The following SLC4A4 variants were observed in gnomAD, a reference collection of about 807,000 sequenced individuals.
SLC4A4 encodes solute carrier family 4 member 4.
A neutral mutation model predicts 111.5 loss-of-function variants in SLC4A4; 27 were observed. The ratio of observed to expected loss-of-function variants is 0.24; its 90% CI spans 0.18 to 0.33. The LOEUF is 0.33. Among genes scored for constraint, SLC4A4 ranks in the 10% least tolerant of loss-of-function variants. The pLI is 1.00. For missense variants in SLC4A4, 909 were observed against 1,315.5 expected (o/e 0.69, Z 4.78); for synonymous variants, 443 against 463.4 (o/e 0.96, Z 0.57).
chr4:71,172,551 G>C (rs927035568), intron 2 of SLC4A4, among the ~76,000 whole-genome samples: 5 of 152,298 alleles, frequency 3.3e-5, no homozygotes, highest in African/African-American at 9.6e-5. Context: ...ACCGTGCCTG[G>C]CCTAGCACAG....
At chr4:71,086,061 G>A (rs1398750781) in intron 1 of SLC4A4, among the ~76,000 whole-genome samples, 6 of 151,878 alleles carry the variant, frequency 4.0e-5, no homozygotes, top group African/African-American at 1.5e-4. Flanking sequence ...CCATTTGTTT[G>A]TATCCTCTTT....
At chr4:71,076,417 A>G (rs1315382265) in intron 1 of SLC4A4, among the ~76,000 whole-genome samples, 1 of 152,020 alleles carries the variant, frequency 6.6e-6, no homozygotes, top group Non-Finnish European at 1.5e-5. Context: ...CTATAATCCC[A>G]GCTACTCAGG....
chr4:71,397,754 C>A, intron 7 of SLC4A4, 101 bp downstream of exon 7: 3 of 1,023,046 alleles, frequency 2.9e-6, no homozygotes, highest in Middle Eastern at 2.1e-4. Flanking sequence ...TAAAATGGAC[C>A]TTTACGTGCA....
chr4:71,236,342 G>T, intron 1 of SLC4A4: 1 of 927,162 alleles, frequency 1.1e-6, no homozygotes, highest in African/African-American at 1.7e-5. Context: ...TCTCTTACCT[G>T]TCTATGTGGG....
intron 6 of SLC4A4, among the ~76,000 whole-genome samples, chr4:71,367,393 T>A (rs1731432537): frequency 6.6e-6 from 1 of 152,218 alleles, no homozygotes. Context: ...TCAGCTTCTG[T>A]CAGTTCTCAC....
At chr4:71,541,104 G>T (rs551975428) in intron 18 of SLC4A4, among the ~76,000 whole-genome samples, 2 of 152,226 alleles carry the variant, frequency 1.3e-5, no homozygotes, top group African/African-American at 4.8e-5. Context: ...ATGTCTTCAG[G>T]CATTGCCAAA....
chr4:71,211,009 A>T (rs1211059286), intron 1 of SLC4A4, among the ~76,000 whole-genome samples: 2 of 152,246 alleles, frequency 1.3e-5, no homozygotes, highest in Non-Finnish European at 2.9e-5. Flanking sequence ...CCAAAATATG[A>T]CAAAGAAAAC....
intron 2 of SLC4A4, among the ~76,000 whole-genome samples, chr4:71,105,894 A>G (rs1267749165): frequency 2.7e-5 from 4 of 146,440 alleles, no homozygotes; most frequent in African/African-American, 7.6e-5. Context: ...ACCAAAAGCA[A>G]TGGCAACAAA....
At chr4:71,115,241 A>G (rs1173454363) in intron 2 of SLC4A4, among the ~76,000 whole-genome samples, 1 of 150,654 alleles carries the variant, frequency 6.6e-6, no homozygotes, top group East Asian at 2.0e-4. Context: ...ATGCTAGATG[A>G]CGAGTTAGTG....
chr4:71,291,892 G>C (rs1360346226), intron 3 of SLC4A4, among the ~76,000 whole-genome samples: 1 of 152,030 alleles, frequency 6.6e-6, no homozygotes, highest in Non-Finnish European at 1.5e-5. Context: ...TCCTCTCCTA[G>C]TTTTTATTTC....
chr4:71,331,378 A>G (rs1260347224), intron 3 of SLC4A4, among the ~76,000 whole-genome samples: 1 of 152,200 alleles, frequency 6.6e-6, no homozygotes, highest in Non-Finnish European at 1.5e-5. Flanking sequence ...TGGCACATAT[A>G]CACCATGGAA....
At chr4:71,106,454 C>G (rs1484734690) in intron 2 of SLC4A4, among the ~76,000 whole-genome samples, 1 of 147,710 alleles carries the variant, frequency 6.8e-6, no homozygotes, top group East Asian at 2.0e-4. Flanking sequence ...AATCATGCTG[C>G]TATAAAGACA....
chr4:71,484,013 A>T (rs749781744), intron 14 of SLC4A4, among the ~76,000 whole-genome samples: 1 of 151,040 alleles, frequency 6.6e-6, no homozygotes, highest in African/African-American at 2.4e-5. Flanking sequence ...CCCACTTTTT[A>T]ATAGGGCTGG....
chr4:71,453,745 C>A, intron 12 of SLC4A4, 76 bp downstream of exon 12: 1 of 1,354,922 alleles, frequency 7.4e-7, no homozygotes, highest in Non-Finnish European at 1.1e-6. Context: ...CAGTTAGAAG[C>A]AGATGGCCTT....
At chr4:71,282,219 T>A (rs181129376) in intron 3 of SLC4A4, among the ~76,000 whole-genome samples, 7 of 152,262 alleles carry the variant, frequency 4.6e-5, no homozygotes, top group Admixed American at 2.6e-4. Context: ...AAATAATTCA[T>A]TTGGCCATTG....
intron 7 of SLC4A4, among the ~76,000 whole-genome samples, chr4:71,434,172 T>A (rs926905785): frequency 2.0e-5 from 3 of 152,000 alleles, no homozygotes; most frequent in African/African-American, 7.2e-5. Flanking sequence ...GTGTGGGATG[T>A]TTTTTCTTTA....
intron 2 of SLC4A4, among the ~76,000 whole-genome samples, chr4:71,254,206 T>A (rs1429407808): frequency 6.6e-6 from 1 of 152,192 alleles, no homozygotes; most frequent in African/African-American, 2.4e-5. Flanking sequence ...ACAAAAATGT[T>A]CACATTATTT....
At chr4:71,546,682 C>T (rs1735549387) in intron 19 of SLC4A4, among the ~76,000 whole-genome samples, 154 bp downstream of exon 19, 1 of 151,922 alleles carries the variant, frequency 6.6e-6, no homozygotes, top group Admixed American at 6.6e-5. Context: ...AAATTTTCAT[C>T]AGAGGTTTCA....
intron 3 of SLC4A4, among the ~76,000 whole-genome samples, chr4:71,335,188 A>G (rs1728334840): frequency 6.6e-6 from 1 of 152,158 alleles, no homozygotes; most frequent in South Asian, 2.1e-4. Context: ...CTATATAGCA[A>G]ACCTGCACAT....
Sources: allele counts gnomAD v4.1 joint callset (sites outside exome capture counted in the v4.1 genomes callset), GRCh38; gene constraint gnomAD v4.1.1; transcripts MANE v1.5; gene names NCBI Gene and HGNC (gene_info 2026-07-23, HGNC 2026-07-21).